Variants in RBM20 observed in about 807,000 individuals in gnomAD.
The protein encoded by RBM20 is RNA binding motif protein 20.
Under a neutral mutation model 110.1 loss-of-function variants are expected in RBM20, and 51 were observed. The ratio of observed to expected loss-of-function variants is 0.46; its 90% CI spans 0.37 to 0.59. RBM20 has a LOEUF of 0.59. Ranked by LOEUF, RBM20 falls within the 20% of genes least tolerant of loss-of-function variation. The probability of loss-of-function intolerance (pLI) is 0.00; values close to 1 mark genes in which losing one functional copy is unlikely to be tolerated. For synonymous variants in RBM20, 589 were observed against 618.2 expected, an observed-to-expected ratio of 0.95 and a Z score of 0.70; for missense variants, 1,512 against 1,574.9, an observed-to-expected ratio of 0.96 and a Z score of 0.68.
chr10:110,767,618 G>A (rs1193908463), intron 1 of RBM20, among the ~76,000 whole-genome samples: 2 of 151,598 alleles, frequency 1.3e-5, no homozygotes, highest in African/African-American at 4.9e-5. Context: ...CAGACGGGGC[G>A]GACGGGCAGA....
At chr10:110,812,021 T>C (rs1053859750) in intron 8 of RBM20, among the ~76,000 whole-genome samples, 2 of 152,188 alleles carry the variant, frequency 1.3e-5, no homozygotes, top group Non-Finnish European at 2.9e-5. Context: ...TTCTTCTTCC[T>C]AGTTCCCAGG....
chr10:110,812,139 GGTTCT>G, intron 8 of RBM20, 134 bp from the exon 9 acceptor site: 1 of 785,594 alleles, frequency 1.3e-6, no homozygotes, highest in East Asian at 2.7e-5. Context: ...CACTCTGTGT[GGTTCT>G]GTAGAGTTGG....
At chr10:110,801,302 C>A (rs1201557697) in intron 7 of RBM20, among the ~76,000 whole-genome samples, 2 of 151,982 alleles carry the variant, frequency 1.3e-5, no homozygotes, top group Non-Finnish European at 2.9e-5. Context: ...TGGCAGGCGC[C>A]TGTAATCTCA....
rs932854788 is a variant in RBM20 at position 110,797,498 on chromosome 10, T to C, written c.1528-10T>C. Reference sequence around the variant, plus strand: ...TTCTGAATACCACTAATGATCTTTGTTCCCATTAGTTTGCACAGCGGAAAG... The same window carrying C: ...TTCTGAATACCACTAATGATCTTTGCTCCCATTAGTTTGCACAGCGGAAAG... On this transcript the variant is annotated splice_polypyrimidine_tract_variant and intron_variant, in intron 5 of 13. Transcript: ENST00000369519. 2 of 1,547,648 alleles carry C rather than the reference T, an allele frequency of 1.3e-6. No individual in the cohort carries two copies. Among genetic ancestry groups the C allele is most frequent in the African/African-American group, 2.7e-5 (2 of 72,930 alleles).
intron 1 of RBM20, among the ~76,000 whole-genome samples, chr10:110,657,926 G>C (rs1276797879): frequency 6.6e-6 from 1 of 152,154 alleles, no homozygotes; most frequent in Non-Finnish European, 1.5e-5. Context: ...ATTTTTATTA[G>C]TATGTCATTG....
At chr10:110,650,408 G>A (rs542013802) in intron 1 of RBM20, among the ~76,000 whole-genome samples, 1 of 152,292 alleles carries the variant, frequency 6.6e-6, no homozygotes, top group South Asian at 2.1e-4. Flanking sequence ...TGGGCAAAAA[G>A]GGAGCAGTTA....
intron 1 of RBM20, among the ~76,000 whole-genome samples, chr10:110,733,944 C>G (rs1204730127): frequency 1.3e-5 from 2 of 152,174 alleles, no homozygotes; most frequent in Non-Finnish European, 2.9e-5. Flanking sequence ...TTTAATCATG[C>G]CTGTCTTTTT....
intron 1 of RBM20, among the ~76,000 whole-genome samples, chr10:110,707,198 A>G (rs1862853514): frequency 6.6e-6 from 1 of 152,246 alleles, no homozygotes; most frequent in Non-Finnish European, 1.5e-5. Flanking sequence ...TTTTAATTTA[A>G]ACAATTAGAA....
intron 12 of RBM20, among the ~76,000 whole-genome samples, chr10:110,824,263 C>A (rs1844954518): frequency 6.6e-6 from 1 of 152,158 alleles, no homozygotes; most frequent in Admixed American, 6.5e-5. Context: ...AAAGCAGATG[C>A]CCAGCAGCCT....
At chr10:110,835,724 G>A (rs1845117493) in intron 13 of RBM20, 144 bp from the exon 14 acceptor site, 1 of 671,498 alleles carries the variant, frequency 1.5e-6, no homozygotes, top group South Asian at 2.4e-5. Flanking sequence ...CCCCAGTGGG[G>A]ATCTCTGAAC....
At chr10:110,711,329 CAAAAAAAAAAAAA>C (rs1157753270) in intron 1 of RBM20, among the ~76,000 whole-genome samples, 8 of 28,402 alleles carry the variant, frequency 2.8e-4, no homozygotes, top group East Asian at 2.0e-3. Context: ...GACTCCATCT[CAAAAAAAAAAAAA>C]AAAAAAAAAA....
At chr10:110,654,680 G>T (rs1345907813) in intron 1 of RBM20, among the ~76,000 whole-genome samples, 1 of 152,068 alleles carries the variant, frequency 6.6e-6, no homozygotes, top group Non-Finnish European at 1.5e-5. Flanking sequence ...AGCTATTTTT[G>T]CCTGTTCCAC....
intron 1 of RBM20, among the ~76,000 whole-genome samples, chr10:110,690,266 T>G (rs1862568349): frequency 6.6e-6 from 1 of 151,850 alleles, no homozygotes; most frequent in Non-Finnish European, 1.5e-5. Flanking sequence ...ATTAGCTGGG[T>G]GTGGTGGTGT....
At position 110,707,900 on chromosome 10, in the gene RBM20, A is replaced by C. The variant is rs564705324; in HGVS notation, c.191+63255A>C. ...ATTTAAAAATAACCAGAAGAGTGGA[A>C]TTGTAATGTTCCTAACACAAATAAA... On this transcript the variant is annotated intron_variant, in intron 1 of 13. Coordinates refer to ENST00000369519, the MANE Select transcript of RBM20 (RefSeq NM_001134363.3). Among the ~76,000 whole-genome samples the C allele has an allele frequency of 1.1e-4, 17 of 152,368 alleles. No homozygotes were observed. In the South Asian group the frequency reaches 3.5e-3, roughly 32 times the overall value.
intron 12 of RBM20, among the ~76,000 whole-genome samples, chr10:110,828,955 G>A (rs1334295496): frequency 6.6e-6 from 1 of 152,168 alleles, no homozygotes; most frequent in Non-Finnish European, 1.5e-5. Flanking sequence ...CTCAATCCCT[G>A]CTTCAGGGTC....
intron 7 of RBM20, among the ~76,000 whole-genome samples, chr10:110,810,033 C>G (rs1844744733): frequency 6.6e-6 from 1 of 152,154 alleles, no homozygotes. Flanking sequence ...TGCCTTCCTT[C>G]CCTCCCTCCA....
chr10:110,719,166 G>T (rs771264002), intron 1 of RBM20, among the ~76,000 whole-genome samples: 2 of 152,234 alleles, frequency 1.3e-5, no homozygotes, highest in Admixed American at 6.5e-5. Flanking sequence ...TTCCAAAAAG[G>T]CTTTTCGGAT....
chr10:110,720,045 C>T (rs1400236016), intron 1 of RBM20, among the ~76,000 whole-genome samples: 1 of 151,964 alleles, frequency 6.6e-6, no homozygotes, highest in Non-Finnish European at 1.5e-5. Flanking sequence ...GAAGGAGCGC[C>T]CTGGCGGTGA....
chr10:110,730,957 C>T (rs1002019418), intron 1 of RBM20, among the ~76,000 whole-genome samples: 17 of 152,348 alleles, frequency 1.1e-4, no homozygotes, highest in African/African-American at 3.1e-4. Flanking sequence ...CCAATCGCTT[C>T]GTACTGGCCC....
Sources: allele counts gnomAD v4.1 joint callset (sites outside exome capture counted in the v4.1 genomes callset), GRCh38; gene constraint gnomAD v4.1.1; transcripts MANE v1.5; gene names NCBI Gene and HGNC (gene_info 2026-07-23, HGNC 2026-07-21).